D2HGDH: variants seen among roughly 807,000 people sequenced by gnomAD.
The protein encoded by D2HGDH is D-2-hydroxyglutarate dehydrogenase, also known as D-2-hydroxyglutarate dehydrogenase, mitochondrial.
D2HGDH carries 31 observed loss-of-function variants against 46.9 expected under a neutral mutation model. The ratio of observed to expected loss-of-function variants is 0.66; its 90% confidence interval spans 0.50 to 0.89. D2HGDH has a LOEUF of 0.89. Ranked by LOEUF, D2HGDH falls within the 40% of genes least tolerant of loss-of-function variation. The pLI is 0.00. For missense variants in D2HGDH, 698 were observed against 720.8 expected (o/e 0.97, Z 0.36); for synonymous variants, 364 against 332.6 (o/e 1.09, Z -1.03).
intron 5 of D2HGDH, 24 bp from the exon 6 acceptor site, chr2:241,744,685 G>A: frequency 6.2e-7 from 1 of 1,614,188 alleles, no homozygotes; most frequent in Admixed American, 1.7e-5. Context: ...GCAGGTGGGT[G>A]AACGTGCTTC....
rs371185345 is a variant in D2HGDH at position 241,767,886 on chromosome 2, C to T, written c.1483C>T (p.Leu495=). Residue 495 remains leucine, a synonymous_variant, in exon 10 of 10, where the codon CTG becomes TTG. Transcript: ENST00000321264. ...VLGYSKPPGA[L]QLMQQLKALL... Reference sequence around the variant, plus strand: ...GGGCTACAGCAAGCCACCGGGGGCCCTGCAGCTCATGCAGCAGCTCAAGGC... The same window carrying T: ...GGGCTACAGCAAGCCACCGGGGGCCTTGCAGCTCATGCAGCAGCTCAAGGC... 2 of 1,607,994 alleles carry T rather than the reference C, an allele frequency of 1.2e-6. No individual in the cohort carries two copies. The highest frequency in any genetic ancestry group is 1.7e-6 in the Non-Finnish European group (2 of 1,177,708).
intron 8 of D2HGDH, among the ~76,000 whole-genome samples, chr2:241,753,739 GCC>G (rs1697677896): frequency 6.6e-6 from 1 of 152,260 alleles, no homozygotes; most frequent in African/African-American, 2.4e-5. Context: ...CATTGGCACT[GCC>G]TATCCACCCG....
chr2:241,764,208 G>A (rs1699080172), intron 9 of D2HGDH, among the ~76,000 whole-genome samples: 1 of 152,180 alleles, frequency 6.6e-6, no homozygotes, highest in Non-Finnish European at 1.5e-5. Flanking sequence ...GGGGGCGACG[G>A]GGACTGTGGG....
At chr2:241,748,702 C>T (rs1696515065) in intron 6 of D2HGDH, 5 of 608,044 alleles carry the variant, frequency 8.2e-6, no homozygotes, top group Non-Finnish European at 1.1e-5. Context: ...CCGCCCTCCA[C>T]CTTCAGCCCC....
Position 241,745,529 on chromosome 2 carries a change from C to T in D2HGDH, c.853+652C>T, listed in dbSNP as rs149797557. Among the ~76,000 whole-genome samples, 1,409 of 152,318 alleles carry T rather than the reference C, an allele frequency of 9.3e-3. 26 individuals carry two copies. The highest frequency in any genetic ancestry group is 0.032 in the African/African-American group (1,337 of 41,566). ...CTCCCAGTTCGGTGTCTTGAGCTGC[C>T]AGAAGCTTGGGCAGCCCTGGAGGAT... On this transcript the variant is annotated intron_variant, in intron 6 of 9. Transcript: ENST00000321264.
At chr2:241,735,802 C>T (rs143455273) in intron 2 of D2HGDH, 10 of 474,672 alleles carry the variant, frequency 2.1e-5, no homozygotes, top group Middle Eastern at 6.0e-4. Flanking sequence ...TTCACTCTGT[C>T]GCCAGGCCGG....
intron 6 of D2HGDH, chr2:241,749,001 C>G: frequency 8.3e-7 from 1 of 1,205,078 alleles, no homozygotes; most frequent in South Asian, 1.4e-5. Flanking sequence ...CCGGGTGGAA[C>G]AGGCCCTGTG....
At chr2:241,755,520 AG>A (rs1559389682) in intron 8 of D2HGDH, 2 of 1,364,426 alleles carry the variant, frequency 1.5e-6, no homozygotes. Context: ...CCCTTCTGTG[AG>A]GTGTCCCAGC....
chr2:241,745,960 T>G (rs554384502), intron 6 of D2HGDH, among the ~76,000 whole-genome samples: 35 of 152,348 alleles, frequency 2.3e-4, no homozygotes, highest in Admixed American at 1.8e-3. Context: ...GCCTCTCTCC[T>G]GGCCCCCCTT....
At position 241,768,778 on chromosome 2, in the gene D2HGDH, A is replaced by C. The variant is rs1699342481; in HGVS notation, c.*809A>C. 1 of 152,254 alleles carries C rather than the reference A, an allele frequency of 6.6e-6. No homozygotes were observed. Among genetic ancestry groups the C allele is most frequent in the Non-Finnish European group, 1.5e-5 (1 of 68,050 alleles). 9.4% of individuals were successfully genotyped at this position (152,254 alleles called of 1,614,324 possible). On this transcript the variant is annotated 3_prime_UTR_variant, in exon 10 of 10. Coordinates refer to ENST00000321264, the MANE Select transcript of D2HGDH (RefSeq NM_152783.5). ...AGCTGGATGCACATCTCATTCTGTC[A>C]TGAATGTCCAGTAAAAATCTGAATT...
rs748544607 is a variant in D2HGDH, at chr2:241,742,436, C to T, written c.352C>T (p.His118Tyr). ...ACGTCCCTCCTGTCCTCATCCCAGG[C>T]ACTGCCACGAGAGGAACCTGGCCGT... ...TSEEVSHILR[H>Y]CHERNLAVNP... Residue 118 changes from histidine to tyrosine, a missense_variant and splice_region_variant, in exon 4 of 10, where the codon CAC becomes TAC. By Grantham distance (83) the His-to-Tyr change is moderately conservative. Coordinates refer to ENST00000321264, the MANE Select transcript of D2HGDH (RefSeq NM_152783.5). This position sits in a 1 kb window ranked among gnomAD's most constrained non-coding sequence, Gnocchi z 4.8. 1.9e-6 allele frequency: 3 copies of T among 1,609,950 alleles called. No individual in the cohort carries two copies. The highest frequency in any genetic ancestry group is 1.7e-5 in the Admixed American group (1 of 59,456).
chr2:241,758,940 T>C (rs1575326101), intron 9 of D2HGDH, among the ~76,000 whole-genome samples: 1 of 152,164 alleles, frequency 6.6e-6, no homozygotes, highest in Non-Finnish European at 1.5e-5. Context: ...TGCCTGGCAT[T>C]ATTTGCTGCT....
intron 2 of D2HGDH, among the ~76,000 whole-genome samples, chr2:241,737,882 GT>G (rs1284552402): frequency 9.2e-5 from 14 of 152,198 alleles, no homozygotes; most frequent in African/African-American, 2.2e-4. Context: ...AACATAGGGT[GT>G]GCTGTCATTG....
intron 8 of D2HGDH, chr2:241,755,027 C>T (rs948951362): frequency 2.3e-6 from 3 of 1,293,244 alleles, no homozygotes; most frequent in Non-Finnish European, 3.0e-6. Context: ...TGGCTCTGTC[C>T]TGTTCCTCAT....
chr2:241,735,622 C>G (rs1416579170), intron 2 of D2HGDH, 106 bp downstream of exon 2: 1 of 1,485,452 alleles, frequency 6.7e-7, no homozygotes, highest in Non-Finnish European at 9.1e-7. Context: ...GGGGTGCCAG[C>G]CCCTGGCTGC....
chr2:241,752,891 G>A (rs1039013276), intron 8 of D2HGDH, among the ~76,000 whole-genome samples: 46 of 130,338 alleles, frequency 3.5e-4, no homozygotes, highest in Non-Finnish European at 5.1e-4. Flanking sequence ...CCCCCAGGGC[G>A]GGCCGTCCTC....
intron 6 of D2HGDH, among the ~76,000 whole-genome samples, chr2:241,746,047 C>G (rs1695787017): frequency 6.6e-6 from 1 of 152,140 alleles, no homozygotes; most frequent in South Asian, 2.1e-4. Flanking sequence ...TCTTTTTCAT[C>G]TCCTTGGAAT....
chr2:241,749,152 C>G, intron 6 of D2HGDH: 1 of 860,354 alleles, frequency 1.2e-6, no homozygotes, highest in Non-Finnish European at 1.5e-6. Flanking sequence ...TTCCTGCCCA[C>G]TCTGAGCAAG....
intron 7 of D2HGDH, 102 bp downstream of exon 7, chr2:241,750,396 GGC>G: frequency 1.7e-6 from 2 of 1,206,588 alleles, no homozygotes; most frequent in East Asian, 2.8e-5. Context: ...GGGGTGCCCG[GGC>G]GGGCGGGTGG....
Sources: allele counts gnomAD v4.1 joint callset (sites outside exome capture counted in the v4.1 genomes callset), GRCh38; gene constraint gnomAD v4.1.1; non-coding constraint Gnocchi (gnomAD v3.1); transcripts MANE v1.5; gene names NCBI Gene and HGNC (gene_info 2026-07-23, HGNC 2026-07-21).